CAMK2A: variants seen among roughly 807,000 people sequenced by gnomAD.
The protein encoded by CAMK2A is calcium/calmodulin dependent protein kinase II alpha, also known as calcium/calmodulin-dependent protein kinase type II subunit alpha.
In CAMK2A, 7 loss-of-function variants were observed where a neutral mutation model predicts 79.2. That is an observed-to-expected ratio of 0.09 (90% CI 0.05 to 0.17). The LOEUF is 0.17. Ranked by LOEUF, CAMK2A falls within the 10% of genes least tolerant of loss-of-function variation. The pLI, the probability that CAMK2A is intolerant of heterozygous loss-of-function variation, is 1.00. For missense variants in CAMK2A, 214 were observed against 646.4 expected (o/e 0.33, Z 7.25); for synonymous variants, 242 against 251.7 (o/e 0.96, Z 0.36).
intron 2 of CAMK2A, among the ~76,000 whole-genome samples, chr5:150,267,851 C>G (rs572274547): frequency 1.8e-3 from 278 of 151,536 alleles, no homozygotes; most frequent in African/African-American, 6.1e-3. Context: ...ATCTTCCCCC[C>G]ACTCCTCCCC....
chr5:150,254,551 TC>T (rs1167133664), intron 6 of CAMK2A, among the ~76,000 whole-genome samples: 1 of 152,084 alleles, frequency 6.6e-6, no homozygotes, highest in Non-Finnish European at 1.5e-5. Context: ...CTTGGGAAGG[TC>T]CCACACCTGG....
At chr5:150,239,969 T>C (rs1479037830) in intron 13 of CAMK2A, among the ~76,000 whole-genome samples, 8 of 152,100 alleles carry the variant, frequency 5.3e-5, no homozygotes, top group Non-Finnish European at 1.0e-4. Flanking sequence ...GCACACTGCC[T>C]GGGTCTAGCG....
chr5:150,224,268 T>C (rs1363441973), intron 17 of CAMK2A, among the ~76,000 whole-genome samples: 1 of 152,212 alleles, frequency 6.6e-6, no homozygotes, highest in Non-Finnish European at 1.5e-5. Context: ...ATCTGTATCT[T>C]GGGCTTGAGA....
At chr5:150,272,104 GC>G (rs966766160) in intron 2 of CAMK2A, among the ~76,000 whole-genome samples, 129 of 152,266 alleles carry the variant, frequency 8.5e-4, no homozygotes, top group African/African-American at 3.1e-3. Context: ...GAGTTCACTG[GC>G]CCCTCTCTGA....
intron 13 of CAMK2A, among the ~76,000 whole-genome samples, chr5:150,244,775 C>A (rs1285859804): frequency 6.6e-6 from 1 of 152,158 alleles, no homozygotes; most frequent in Non-Finnish European, 1.5e-5. Flanking sequence ...CCAGCCCACA[C>A]ATAGGCAGGA....
intron 16 of CAMK2A, 122 bp downstream of exon 16, chr5:150,231,183 G>C (rs114996722): frequency 4.0e-6 from 2 of 505,904 alleles, no homozygotes; most frequent in Non-Finnish European, 7.2e-6. Flanking sequence ...AGTTCAGCCC[G>C]ATTCACAGCA....
At position 150,219,856 on chromosome 5, in the gene CAMK2A, TTTTTA is replaced by T. The variant is rs902277311; in HGVS notation, c.*2849_*2853del. The T allele has an allele frequency of 1.7e-4, 19 of 109,248 alleles. No homozygotes were observed. Among genetic ancestry groups the T allele is most frequent in the African/African-American group, 4.9e-4 (18 of 37,072 alleles). 6.8% of individuals were successfully genotyped at this position (109,248 alleles called of 1,614,324 possible). On this transcript the variant is annotated 3_prime_UTR_variant, in exon 19 of 19. Transcript: ENST00000671881. ...GCCAAGGTTTTGACTTGGGTTTGGA[TTTTTA>T]TTTATTTATTTATTATTATTATTAT...
At chr5:150,281,078 G>A (rs1463154416) in intron 1 of CAMK2A, among the ~76,000 whole-genome samples, 2 of 152,166 alleles carry the variant, frequency 1.3e-5, no homozygotes, top group Non-Finnish European at 2.9e-5. Flanking sequence ...TCCACATCCA[G>A]AGCCCCCTCC....
At position 150,219,647 on chromosome 5, in the gene CAMK2A, A is replaced by AT. The variant is rs1237999446; in HGVS notation, c.*3062_*3063insA. The AT allele has an allele frequency of 6.7e-6, 1 of 149,032 alleles. No individual in the cohort carries two copies. Among genetic ancestry groups the AT allele is most frequent in the African/African-American group, 2.5e-5 (1 of 40,534 alleles). The allele number at this position is 149,032 out of a possible 1,614,324, so 9.2% of individuals were successfully genotyped here. A position where few individuals can be genotyped will look rare whatever the true frequency, so the allele number is the denominator to read the frequency against. On this transcript the variant is annotated 3_prime_UTR_variant, in exon 19 of 19. Transcript: ENST00000671881. ...TATTTTTAAAAAAGAAAAGAAAAAAAAAAAGAACTAAAACAAAACCCCAAA... is the reference window on the plus strand; with the variant it reads ...TATTTTTAAAAAAGAAAAGAAAAAAATAAAAGAACTAAAACAAAACCCCAAA...
chr5:150,286,175 G>A (rs1454996231), intron 1 of CAMK2A, among the ~76,000 whole-genome samples: 2 of 152,192 alleles, frequency 1.3e-5, no homozygotes, highest in African/African-American at 4.8e-5. Flanking sequence ...GAAGAGGATT[G>A]GGTCAAACGA....
intron 13 of CAMK2A, 27 bp downstream of exon 13, chr5:150,245,134 C>A: frequency 6.2e-7 from 1 of 1,612,196 alleles, no homozygotes; most frequent in Non-Finnish European, 8.5e-7. Flanking sequence ...CAGAGCCAAG[C>A]CCTGCCAGGC....
chr5:150,260,283 C>A lies in CAMK2A; in HGVS notation c.218-2666G>T, dbSNP rs533776092. Among the ~76,000 whole-genome samples the A allele has an allele frequency of 1.6e-4, 24 of 152,046 alleles. 2 individuals are homozygous for A. In the South Asian group the frequency reaches 5.0e-3, roughly 32 times the overall value. On this transcript the variant is annotated intron_variant, in intron 3 of 18. Coordinates refer to ENST00000671881, the MANE Select transcript of CAMK2A (RefSeq NM_015981.4). The stretch of plus-strand genomic sequence containing the variant: ...CATCCTGGCTAACACAGTGAAACTC[C>A]CTCTCTACTAAAAATACAAAACAAA...
chr5:150,273,173 G>A lies in CAMK2A; in HGVS notation c.63-14C>T. 1 of 1,603,714 alleles carries A rather than the reference G, an allele frequency of 6.2e-7. No individual in the cohort carries two copies. The highest frequency in any genetic ancestry group is 8.5e-7 in the Non-Finnish European group (1 of 1,171,414). On this transcript the variant is annotated splice_polypyrimidine_tract_variant and intron_variant, in intron 1 of 18. Coordinates refer to ENST00000671881, the MANE Select transcript of CAMK2A (RefSeq NM_015981.4). ...GAGAAGGCTCCCCTAGGAGGACAGA[G>A]AAGGTGGAGAGGGTGAGGGAATGCC...
At chr5:150,250,991 A>G (rs746344530) in intron 9 of CAMK2A, among the ~76,000 whole-genome samples, 181 bp from the exon 10 acceptor site, 7 of 152,202 alleles carry the variant, frequency 4.6e-5, no homozygotes, top group Non-Finnish European at 8.8e-5. Flanking sequence ...ACAAATCAGA[A>G]CACGGCAGAG....
intron 11 of CAMK2A, among the ~76,000 whole-genome samples, chr5:150,249,727 T>C (rs1283612209): frequency 1.3e-5 from 2 of 152,178 alleles, no homozygotes; most frequent in Non-Finnish European, 2.9e-5. Flanking sequence ...TTTGTATTTT[T>C]GGTAGAGACA....
intron 1 of CAMK2A, among the ~76,000 whole-genome samples, chr5:150,278,378 T>TA (rs112222078): frequency 0.025 from 3,386 of 133,082 alleles, 121 homozygotes; most frequent in African/African-American, 0.082. Flanking sequence ...ATCTTCTGTT[T>TA]AAAAAAAAAA....
intron 3 of CAMK2A, among the ~76,000 whole-genome samples, chr5:150,264,507 T>C (rs1756423899): frequency 6.6e-6 from 1 of 152,212 alleles, no homozygotes; most frequent in Admixed American, 6.5e-5. Context: ...ATGCAGCCTG[T>C]GCCCGGCCTG....
At chr5:150,236,154 C>T (rs1296318658) in intron 15 of CAMK2A, among the ~76,000 whole-genome samples, 3 of 152,170 alleles carry the variant, frequency 2.0e-5, no homozygotes, top group South Asian at 2.1e-4. Flanking sequence ...AGGATAATGA[C>T]GGCAAATGTG....
At chr5:150,272,979 C>T in intron 2 of CAMK2A, 86 bp downstream of exon 2, 3 of 1,062,568 alleles carry the variant, frequency 2.8e-6, no homozygotes, top group South Asian at 1.3e-5. Flanking sequence ...GGGCTCAGCC[C>T]TGGATCCTGG....
Sources: allele counts gnomAD v4.1 joint callset (sites outside exome capture counted in the v4.1 genomes callset), GRCh38; gene constraint gnomAD v4.1.1; transcripts MANE v1.5; gene names NCBI Gene and HGNC (gene_info 2026-07-23, HGNC 2026-07-21).